Variants in LRCH3 observed in about 807,000 individuals in gnomAD.
LRCH3 encodes the protein DISP complex protein LRCH3.
LRCH3 carries 68 observed loss-of-function variants against 104.5 expected under a neutral mutation model. The observed-to-expected ratio is 0.65, with a 90% confidence interval of 0.54 to 0.80. The LOEUF (loss-of-function observed/expected upper bound fraction) is 0.80. LRCH3 is among the 30% of genes least tolerant of loss of function. The pLI is 0.00. For synonymous variants in LRCH3, 344 were observed against 361.3 expected (o/e 0.95, Z 0.54); for missense variants, 951 against 953.9 (o/e 1.00, Z 0.04).
Position 197,839,330 on chromosome 3 carries a change from G to C in LRCH3, c.1261G>C (p.Val421Leu), listed in dbSNP as rs139225591. ...CTGTCCTCTGGCCTAGGGTTCACCA[G>C]TAAAGCCAGTAGCCATTAGGGAGTT... ...QRRISHEGSP[V>L]KPVAIREFQK... The change falls in exon 10 of 21, where the codon GTA (valine) becomes CTA (leucine). Residue 421 changes from valine (V) to leucine (L), a missense_variant. Physicochemically the swap from Val to Leu is conservative, Grantham distance 32. Coordinates refer to ENST00000425562, the MANE Select transcript of LRCH3 (RefSeq NM_001365715.1). 1.4e-5 allele frequency: 23 copies of C among 1,594,818 alleles called. No individual in the cohort carries two copies. The African/African-American group carries it at 2.7e-4, about 19-fold the overall frequency.
chr3:197,807,343 A>G (rs1341108351), intron 1 of LRCH3, among the ~76,000 whole-genome samples: 1 of 151,742 alleles, frequency 6.6e-6, no homozygotes, highest in South Asian at 2.1e-4. Flanking sequence ...CAGCCTCCCA[A>G]GTAGCTGGGA....
intron 5 of LRCH3, among the ~76,000 whole-genome samples, chr3:197,828,071 C>T (rs759460727): frequency 1.6e-4 from 10 of 62,998 alleles, no homozygotes; most frequent in East Asian, 5.4e-4. Flanking sequence ...GGTGAGACTC[C>T]GTCTCAAAAA....
intron 3 of LRCH3, among the ~76,000 whole-genome samples, chr3:197,819,582 G>A (rs781632998): frequency 6.6e-6 from 1 of 152,024 alleles, no homozygotes; most frequent in African/African-American, 2.4e-5. Flanking sequence ...TGGGTGTGGT[G>A]GTGGGTGCCT....
intron 15 of LRCH3, among the ~76,000 whole-genome samples, chr3:197,861,097 C>T (rs1039806852): frequency 1.3e-5 from 2 of 151,972 alleles, no homozygotes; most frequent in East Asian, 1.9e-4. Flanking sequence ...CTCAGGCTTC[C>T]GAGTAGCTGG....
chr3:197,883,649 C>T lies in LRCH3; in HGVS notation c.2317C>T (p.Gln773Ter). 1 of 1,536,072 alleles carries T rather than the reference C, an allele frequency of 6.5e-7. No individual in the cohort carries two copies. ...ELAPPKQQQH[Q>*]LSAV ...TGCCCCACCCAAGCAACAGCAGCAC[C>T]AGTTATCTGCTGTTTGAGGATCCCC... Residue 773 changes from glutamine (Q) to a stop codon, truncating the protein, a stop_gained, in exon 21 of 21, where the codon CAG becomes TAG. Coordinates refer to ENST00000425562, the MANE Select transcript of LRCH3 (RefSeq NM_001365715.1). LOFTEE classifies it high-confidence loss of function. The surrounding 1 kb of genome is among the most constrained non-coding windows in gnomAD (Gnocchi z 4.2).
chr3:197,808,833 G>C (rs1009120743), intron 1 of LRCH3, among the ~76,000 whole-genome samples: 1 of 152,020 alleles, frequency 6.6e-6, no homozygotes, highest in Non-Finnish European at 1.5e-5. Context: ...GAGCCCAGGA[G>C]ATCAGAGCTG....
intron 20 of LRCH3, among the ~76,000 whole-genome samples, chr3:197,880,085 A>T (rs1173681692): frequency 6.6e-6 from 1 of 151,054 alleles, no homozygotes; most frequent in Non-Finnish European, 1.5e-5. Context: ...AGCTGGGACT[A>T]CAGGCGCCCG....
intron 1 of LRCH3, among the ~76,000 whole-genome samples, chr3:197,793,304 A>C (rs1164816365): frequency 6.6e-6 from 1 of 152,198 alleles, no homozygotes; most frequent in African/African-American, 2.4e-5. Flanking sequence ...CTTTTTGGAA[A>C]CAGTTGAACT....
chr3:197,847,743 T>G (rs1738962740), intron 11 of LRCH3, 129 bp from the exon 12 acceptor site: 4 of 332,600 alleles, frequency 1.2e-5, no homozygotes, highest in Non-Finnish European at 1.5e-5. Flanking sequence ...TAAACACATT[T>G]CAAGCAATGC....
At chr3:197,834,646 G>C (rs1327460756) in intron 8 of LRCH3, among the ~76,000 whole-genome samples, 2 of 152,172 alleles carry the variant, frequency 1.3e-5, no homozygotes, top group Non-Finnish European at 2.9e-5. Flanking sequence ...AAAACACAAA[G>C]ATGCACCTTT....
chr3:197,847,473 A>G lies in LRCH3; in HGVS notation c.1380+13A>G, dbSNP rs202146418. On this transcript the variant is annotated intron_variant, in intron 11 of 20. Transcript: ENST00000425562. The stretch of plus-strand genomic sequence containing the variant: ...AAGTCACAATCAGGTAATGTTTAGT[A>G]GTTGTGTTTATTTTTGCTTTTTAAA... The G allele has an allele frequency of 2.5e-6, 4 of 1,580,544 alleles. No homozygotes were observed. The highest frequency in any genetic ancestry group is 4.6e-5 in the East Asian group (2 of 43,832).
intron 4 of LRCH3, among the ~76,000 whole-genome samples, chr3:197,825,731 G>T (rs536599742): frequency 1.3e-5 from 2 of 151,550 alleles, no homozygotes; most frequent in Non-Finnish European, 2.9e-5. Flanking sequence ...CGCCTGCCTC[G>T]GCCTCCCAAA....
At chr3:197,874,104 A>T (rs1201941050) in intron 19 of LRCH3, among the ~76,000 whole-genome samples, 1 of 151,796 alleles carries the variant, frequency 6.6e-6, no homozygotes, top group Non-Finnish European at 1.5e-5. Flanking sequence ...TGGGTAATTA[A>T]TTTTTTTGGC....
In LRCH3 at chr3:197,828,298, T is replaced by C. The variant is rs142724304; in HGVS notation, c.778-1266T>C. 8.8e-3 allele frequency among the ~76,000 whole-genome samples: 1,341 copies of C among 152,220 alleles called. 18 individuals are homozygous for C. Among genetic ancestry groups the C allele is most frequent in the African/African-American group, 0.031 (1,270 of 41,536 alleles). On this transcript the variant is annotated intron_variant, in intron 5 of 20. Transcript: ENST00000425562. ...CTTTACATGTAGATGCTGGACATCC[T>C]ACAACCTAGAAATTTTTGCCAACTC...
intron 2 of LRCH3, among the ~76,000 whole-genome samples, chr3:197,816,669 A>T (rs1375949302): frequency 6.6e-6 from 1 of 152,122 alleles, no homozygotes. Flanking sequence ...AGTTGGTGTG[A>T]TCTATGAAAT....
At chr3:197,804,167 G>A (rs1424151195) in intron 1 of LRCH3, among the ~76,000 whole-genome samples, 1 of 152,124 alleles carries the variant, frequency 6.6e-6, no homozygotes, top group Non-Finnish European at 1.5e-5. Context: ...GGAGGCTGAG[G>A]TGGGAGAATT....
At chr3:197,860,653 T>A (rs1740770368) in intron 15 of LRCH3, among the ~76,000 whole-genome samples, 1 of 152,018 alleles carries the variant, frequency 6.6e-6, no homozygotes. Context: ...GTATATGGGG[T>A]TCATGAGGTA....
chr3:197,807,585 T>A (rs544585601), intron 1 of LRCH3, among the ~76,000 whole-genome samples: 1 of 152,330 alleles, frequency 6.6e-6, no homozygotes, highest in African/African-American at 2.4e-5. Flanking sequence ...GTCTTTTAGA[T>A]AATTTGTATT....
intron 9 of LRCH3, among the ~76,000 whole-genome samples, chr3:197,838,892 C>A (rs1012124665): frequency 6.6e-6 from 1 of 152,108 alleles, no homozygotes; most frequent in Non-Finnish European, 1.5e-5. Context: ...AGAAATGTAA[C>A]CTGCCCAGTG....
Sources: allele counts gnomAD v4.1 joint callset (sites outside exome capture counted in the v4.1 genomes callset), GRCh38; gene constraint gnomAD v4.1.1; non-coding constraint Gnocchi (gnomAD v3.1); transcripts MANE v1.5; gene names NCBI Gene and HGNC (gene_info 2026-07-23, HGNC 2026-07-21).